Variants in FGFR1 observed in about 807,000 individuals in gnomAD.
The protein encoded by FGFR1 is fibroblast growth factor receptor 1.
In FGFR1, 18 loss-of-function variants were observed where a neutral mutation model predicts 93.7. That is an observed-to-expected ratio of 0.19 (90% CI 0.13 to 0.28). The LOEUF (loss-of-function observed/expected upper bound fraction) is 0.28, where lower values mean the gene tolerates loss of function less well. Ranked by LOEUF, FGFR1 falls within the 10% of genes least tolerant of loss-of-function variation. The pLI, the probability that FGFR1 is intolerant of heterozygous loss-of-function variation, is 1.00. For synonymous variants in FGFR1, 448 were observed against 429.3 expected, an observed-to-expected ratio of 1.04 and a Z score of -0.54; for missense variants, 731 against 1,080.4, an observed-to-expected ratio of 0.68 and a Z score of 4.53.
intron 2 of FGFR1, chr8:38,430,267 C>T (rs1822492721): frequency 1.4e-5 from 5 of 345,394 alleles, no homozygotes; most frequent in South Asian, 5.4e-5. Context: ...GGGGAAAGGT[C>T]GGCCCTCCCC....
chr8:38,462,306 C>T (rs1391995196), intron 1 of FGFR1, among the ~76,000 whole-genome samples: 1 of 152,048 alleles, frequency 6.6e-6, no homozygotes, highest in Non-Finnish European at 1.5e-5. Flanking sequence ...GAGGTCGACA[C>T]CATCCTGGCC....
intron 2 of FGFR1, among the ~76,000 whole-genome samples, chr8:38,444,562 T>TG (rs1018892565): frequency 1.3e-5 from 2 of 149,574 alleles, no homozygotes; most frequent in African/African-American, 4.9e-5. Flanking sequence ...CTAAATTTTT[T>TG]TTTTTTTTTT....
At chr8:38,449,201 A>G (rs985576422) in intron 2 of FGFR1, among the ~76,000 whole-genome samples, 35 of 152,172 alleles carry the variant, frequency 2.3e-4, no homozygotes, top group Admixed American at 3.9e-4. Flanking sequence ...CCTTAAGTTA[A>G]GCTTTAATCT....
In FGFR1 at chr8:38,429,710, G is replaced by A. The variant is rs953988029; in HGVS notation, c.330C>T (p.Asp110=). 5 of 1,572,742 alleles carry A rather than the reference G, an allele frequency of 3.2e-6. No individual in the cohort carries two copies. The highest frequency in any genetic ancestry group is 1.2e-5 in the South Asian group (1 of 85,920). Residue 110 remains aspartate, a synonymous_variant, in exon 3 of 18, where the codon GAC becomes GAT. Transcript: ENST00000447712. The surrounding 1 kb of genome is among the most constrained non-coding windows in gnomAD (Gnocchi z 4.4). Reference sequence around the variant, plus strand: ...AAACATTGACGGAGAAGTAGGTGGTGTCACTGCCCGAGGGGCTGCTGGTTA... The same window carrying A: ...AAACATTGACGGAGAAGTAGGTGGTATCACTGCCCGAGGGGCTGCTGGTTA... The part of the protein sequence containing the change: ...ACVTSSPSGS[D]TTYFSVNVSD...
At chr8:38,461,082 G>C (rs2151425372) in intron 1 of FGFR1, 1 of 1,536,084 alleles carries the variant, frequency 6.5e-7, no homozygotes, top group Non-Finnish European at 8.7e-7. Context: ...ATCAGAGGGG[G>C]CTGAAATACT....
At chr8:38,430,049 G>C in intron 2 of FGFR1, 101 bp from the exon 3 acceptor site, 8 of 1,198,728 alleles carry the variant, frequency 6.7e-6, no homozygotes, top group South Asian at 3.0e-5. Flanking sequence ...CTGGCCACAC[G>C]GAGCCGCACC....
intron 7 of FGFR1, among the ~76,000 whole-genome samples, chr8:38,422,588 G>T (rs1819226008): frequency 6.6e-6 from 1 of 152,176 alleles, no homozygotes; most frequent in African/African-American, 2.4e-5. Context: ...AATTTGTAGA[G>T]ATGGGGTCTT....
At position 38,426,319 on chromosome 8, in the gene FGFR1, C is replaced by A. The variant is rs375709947; in HGVS notation, c.622-74G>T. 1.9e-6 allele frequency: 3 copies of A among 1,599,862 alleles called. No individual in the cohort carries two copies. The South Asian group carries it at 3.3e-5, about 18-fold the overall frequency. ...AGGCCCCATGACAATGTCGGCACCCCGTGGCACCTGCCCTCCATATCAGAG... is the reference window on the plus strand; with the variant it reads ...AGGCCCCATGACAATGTCGGCACCCAGTGGCACCTGCCCTCCATATCAGAG... On this transcript the variant is annotated intron_variant, in intron 5 of 17. Coordinates refer to ENST00000447712, the MANE Select transcript of FGFR1 (RefSeq NM_023110.3). This position sits in a 1 kb window ranked among gnomAD's most constrained non-coding sequence, Gnocchi z 4.1.
chr8:38,431,293 C>G (rs1203784112), intron 2 of FGFR1, among the ~76,000 whole-genome samples: 1 of 152,194 alleles, frequency 6.6e-6, no homozygotes, highest in Non-Finnish European at 1.5e-5. Flanking sequence ...GCGGTGCTGA[C>G]TCCCAGTCTG....
At chr8:38,459,776 C>A (rs1321652573) in intron 1 of FGFR1, among the ~76,000 whole-genome samples, 3 of 152,090 alleles carry the variant, frequency 2.0e-5, no homozygotes, top group African/African-American at 7.2e-5. Context: ...AGGGATTGAT[C>A]AAGCCTGACT....
intron 1 of FGFR1, among the ~76,000 whole-genome samples, chr8:38,467,407 C>A (rs1835794176): frequency 6.6e-6 from 1 of 152,122 alleles, no homozygotes; most frequent in Non-Finnish European, 1.5e-5. Context: ...CCACCCCATC[C>A]GACCCCAACC....
intron 2 of FGFR1, among the ~76,000 whole-genome samples, chr8:38,441,586 A>G (rs1827489226): frequency 6.6e-6 from 1 of 152,200 alleles, no homozygotes; most frequent in Non-Finnish European, 1.5e-5. Flanking sequence ...CCTCCTATCT[A>G]AACAGGAAGA....
At position 38,429,695 on chromosome 8, in the gene FGFR1, G is replaced by A. The variant is rs2915665; in HGVS notation, c.345C>T (p.Ser115=). The A allele has an allele frequency of 7.0e-3, 10,993 of 1,568,996 alleles. 54 individuals are homozygous for A. Among genetic ancestry groups the A allele is most frequent in the Non-Finnish European group, 7.8e-3 (9,068 of 1,156,606 alleles). ...TTGGCTACCAACCTGAAACATTGACGGAGAAGTAGGTGGTGTCACTGCCCG... is the reference window on the plus strand; with the variant it reads ...TTGGCTACCAACCTGAAACATTGACAGAGAAGTAGGTGGTGTCACTGCCCG... ...SPSGSDTTYF[S]VNVSDALPSS... Residue 115 remains serine (S), a synonymous_variant, in exon 3 of 18, where the codon TCC becomes TCT. Coordinates refer to ENST00000447712, the MANE Select transcript of FGFR1 (RefSeq NM_023110.3). The surrounding 1 kb of genome is among the most constrained non-coding windows in gnomAD (Gnocchi z 4.4).
chr8:38,456,369 G>T (rs1206106391), intron 2 of FGFR1, among the ~76,000 whole-genome samples: 1 of 152,176 alleles, frequency 6.6e-6, no homozygotes, highest in Non-Finnish European at 1.5e-5. Context: ...CAAGAATGGT[G>T]GGGTAAGTCC....
intron 2 of FGFR1, among the ~76,000 whole-genome samples, chr8:38,444,225 G>C (rs1267897563): frequency 6.6e-6 from 1 of 152,062 alleles, no homozygotes; most frequent in East Asian, 1.9e-4. Flanking sequence ...CCACTGGTCT[G>C]TTCCACGAAT....
chr8:38,466,022 C>T, intron 1 of FGFR1: 1 of 230,588 alleles, frequency 4.3e-6, no homozygotes, highest in Non-Finnish European at 8.6e-6. Flanking sequence ...CACCGACTCT[C>T]CCCACCCTCC....
At chr8:38,442,590 C>A (rs1827898518) in intron 2 of FGFR1, among the ~76,000 whole-genome samples, 1 of 152,096 alleles carries the variant, frequency 6.6e-6, no homozygotes, top group Non-Finnish European at 1.5e-5. Context: ...AGCTCCCACT[C>A]TCCACTGAGC....
chr8:38,459,236 A>T (rs1308996813), intron 1 of FGFR1, among the ~76,000 whole-genome samples: 2 of 152,130 alleles, frequency 1.3e-5, no homozygotes, highest in South Asian at 2.1e-4. Context: ...CATCCAAGTT[A>T]TTCAGAGAAT....
chr8:38,417,123 G>A (rs1476090193), intron 12 of FGFR1, among the ~76,000 whole-genome samples, 183 bp downstream of exon 12: 13 of 152,212 alleles, frequency 8.5e-5, no homozygotes, highest in Admixed American at 2.0e-4. Context: ...CTAGGTATCT[G>A]TATTCCTGAA....
Sources: gnomAD v4.1 joint callset for allele counts (sites outside exome capture counted in the v4.1 genomes callset) on GRCh38, gnomAD v4.1.1 for gene constraint, Gnocchi (gnomAD v3.1) non-coding constraint, MANE v1.5 for transcripts, NCBI Gene and HGNC (gene_info 2026-07-23, HGNC 2026-07-21) for gene names.